Variants in MOCS3 observed in about 807,000 individuals in gnomAD.
The protein encoded by MOCS3 is molybdenum cofactor synthesis 3.
In MOCS3, 9 loss-of-function variants were observed where a neutral mutation model predicts 8.4. That is an observed-to-expected ratio of 1.07 (90% CI 0.65 to 1.87). The LOEUF is 1.87. Ranked by LOEUF, MOCS3 falls within the 40% of genes most tolerant of loss-of-function variation. MOCS3 has a pLI of 0.00. For missense variants in MOCS3, 581 were observed against 599.7 expected, an observed-to-expected ratio of 0.97 and a Z score of 0.33; for synonymous variants, 294 against 272.0, an observed-to-expected ratio of 1.08 and a Z score of -0.80.
chr20:50,958,850 C>T lies in MOCS3; in HGVS notation c.8C>T (p.Ser3Phe), dbSNP rs187280062. The T allele has an allele frequency of 3.1e-6, 5 of 1,587,660 alleles. No individual in the cohort carries two copies. In the East Asian group the frequency reaches 1.1e-4, roughly 36 times the overall value. Residue 3 changes from serine (S) to phenylalanine (F), a missense_variant, in exon 1 of 1, where the codon TCC (serine) becomes TTC (phenylalanine). Physicochemically the swap from Ser to Phe is radical, Grantham distance 155. Coordinates refer to ENST00000244051, the MANE Select transcript of MOCS3 (RefSeq NM_014484.5). ...CTTCCGGAAGAGGTCGCCATGGCTT[C>T]CCGGGAGGAGGTACTCGCCTTACAA... Reference protein sequence around the residue: MASREEVLALQAE... With the variant: MAFREEVLALQAE...
rs1004958791 is a variant in MOCS3 at position 50,961,111 on chromosome 20, T to G, written c.*886T>G. The G allele has an allele frequency of 6.0e-6, 1 of 167,130 alleles. No homozygotes were observed. Among genetic ancestry groups the G allele is most frequent in the Non-Finnish European group, 1.5e-5 (1 of 68,120 alleles). 10.4% of individuals were successfully genotyped at this position (167,130 alleles called of 1,614,324 possible). A position where few individuals can be genotyped will look rare whatever the true frequency, so the allele number is the denominator to read the frequency against. ...TCTGTCAGTGTCTCTTATAAATTGCTACTGTTTTCTTAAAGTTAACTTCAG... is the reference window on the plus strand; with the variant it reads ...TCTGTCAGTGTCTCTTATAAATTGCGACTGTTTTCTTAAAGTTAACTTCAG... On this transcript the variant is annotated 3_prime_UTR_variant, in exon 1 of 1. Transcript: ENST00000244051.
chr20:50,959,145 G>C lies in MOCS3; in HGVS notation c.303G>C (p.Leu101Phe). The change falls in exon 1 of 1, where the codon TTG (leucine) becomes TTC (phenylalanine). Residue 101 changes from leucine (L) to phenylalanine (F), a missense_variant. Leu to Phe is a conservative substitution (Grantham distance 22). Coordinates refer to ENST00000244051, the MANE Select transcript of MOCS3 (RefSeq NM_014484.5). ...TCGGCTGTCCACTAGCGCAGTACTT[G>C]GCAGCGGCCGGCGTGGGCCGCCTTG... Reference protein sequence around the residue: ...GGLGCPLAQYLAAAGVGRLGL... With the variant: ...GGLGCPLAQYFAAAGVGRLGL... 1 of 1,612,978 alleles carries C rather than the reference G, an allele frequency of 6.2e-7. No homozygotes were observed. Among genetic ancestry groups the C allele is most frequent in the Non-Finnish European group, 8.5e-7 (1 of 1,179,922 alleles).
rs974437602 is a variant in MOCS3, at chr20:50,963,265, C to T, written c.*3040C>T. The T allele has an allele frequency of 1.3e-5, 2 of 152,150 alleles. No homozygotes were observed. The highest frequency in any genetic ancestry group is 4.8e-5 in the African/African-American group (2 of 41,418). 9.4% of individuals were successfully genotyped at this position (152,150 alleles called of 1,614,324 possible). ...TTTGTTGTTTCCTTTTCATAACAAACATCAAATGCCTTCAGTGTACTAGTT... is the reference window on the plus strand; with the variant it reads ...TTTGTTGTTTCCTTTTCATAACAAATATCAAATGCCTTCAGTGTACTAGTT... On this transcript the variant is annotated 3_prime_UTR_variant, in exon 1 of 1. Transcript: ENST00000244051.
In MOCS3 at chr20:50,962,283, A is replaced by G. The variant is rs1342361333; in HGVS notation, c.*2058A>G. 1.3e-5 allele frequency: 2 copies of G among 152,240 alleles called. No individual in the cohort carries two copies. The highest frequency in any genetic ancestry group is 6.5e-5 in the Admixed American group (1 of 15,276). 9.4% of individuals were successfully genotyped at this position (152,240 alleles called of 1,614,324 possible). On this transcript the variant is annotated 3_prime_UTR_variant, in exon 1 of 1. Coordinates refer to ENST00000244051, the MANE Select transcript of MOCS3 (RefSeq NM_014484.5). ...CCAGAAAGCCCAACACTTCAGCCAC[A>G]GTCCATGTGTCGAGAAACAGAGTCA... is the stretch of plus-strand genomic sequence containing the variant.
At position 50,960,122 on chromosome 20, in the gene MOCS3, C is replaced by T. The variant is rs1987067332; in HGVS notation, c.1280C>T (p.Ser427Phe). ...CAGAAAGCCGTGAAGATCCTCCAGT[C>T]CTTATCAGCAGCTCAAGAGTTAGAC... ...DSQKAVKILQ[S>F]LSAAQELDPL... The change falls in exon 1 of 1, where the codon TCC (serine) becomes TTC (phenylalanine). Residue 427 changes from serine (S) to phenylalanine (F), a missense_variant. Physicochemically the swap from Ser to Phe is radical, Grantham distance 155. Coordinates refer to ENST00000244051, the MANE Select transcript of MOCS3 (RefSeq NM_014484.5). The T allele has an allele frequency of 6.2e-7, 1 of 1,614,238 alleles. No individual in the cohort carries two copies. The highest frequency in any genetic ancestry group is 1.7e-5 in the Admixed American group (1 of 60,030).
In MOCS3 at chr20:50,959,888, C is replaced by T; in HGVS notation, c.1046C>T (p.Ala349Val). The T allele has an allele frequency of 6.2e-7, 1 of 1,614,234 alleles. No individual in the cohort carries two copies. Among genetic ancestry groups the T allele is most frequent in the Non-Finnish European group, 8.5e-7 (1 of 1,180,022 alleles). ...TDYKRLLDSG[A>V]FHLLLDVRPQ... ...TATAAGCGACTGCTGGATTCTGGGG[C>T]ATTCCACCTGTTGCTGGACGTCAGG... is the stretch of plus-strand genomic sequence containing the variant. The change falls in exon 1 of 1, where the codon GCA (alanine) becomes GTA (valine). Residue 349 changes from alanine to valine, a missense_variant. Transcript: ENST00000244051.
At position 50,959,883 on chromosome 20, in the gene MOCS3, T is replaced by C. The variant is rs375518466; in HGVS notation, c.1041T>C (p.Ser347=). Reference sequence around the variant, plus strand: ...CCGACTATAAGCGACTGCTGGATTCTGGGGCATTCCACCTGTTGCTGGACG... The same window carrying C: ...CCGACTATAAGCGACTGCTGGATTCCGGGGCATTCCACCTGTTGCTGGACG... ...SVTDYKRLLD[S]GAFHLLLDVR... is the part of the protein sequence containing the mutation. Residue 347 remains serine (S), a synonymous_variant, in exon 1 of 1, where the codon TCT becomes TCC. Coordinates refer to ENST00000244051, the MANE Select transcript of MOCS3 (RefSeq NM_014484.5). 4 of 1,614,110 alleles carry C rather than the reference T, an allele frequency of 2.5e-6. No individual in the cohort carries two copies. In the African/African-American group the frequency reaches 4.0e-5, roughly 16 times the overall value.
At position 50,963,837 on chromosome 20, in the gene MOCS3, C is replaced by T. The variant is rs1344042388; in HGVS notation, c.*3612C>T. 3.9e-5 allele frequency: 6 copies of T among 152,240 alleles called. No homozygotes were observed. Among genetic ancestry groups the T allele is most frequent in the Non-Finnish European group, 7.3e-5 (5 of 68,046 alleles). 9.4% of individuals were successfully genotyped at this position (152,240 alleles called of 1,614,324 possible). On this transcript the variant is annotated 3_prime_UTR_variant, in exon 1 of 1. Coordinates refer to ENST00000244051, the MANE Select transcript of MOCS3 (RefSeq NM_014484.5). ...TCTAAGCAAAACTTTGCCATTGCTT[C>T]ATATGTGTTCATGCCCTGTCAGGGC... is the stretch of plus-strand genomic sequence containing the variant.
rs1487529433 is a variant in MOCS3 at position 50,958,829 on chromosome 20, C to T, written c.-14C>T. 6.3e-7 allele frequency: 1 copy of T among 1,577,636 alleles called. No homozygotes were observed. The highest frequency in any genetic ancestry group is 1.8e-5 in the Admixed American group (1 of 56,362). On this transcript the variant is annotated 5_prime_UTR_variant, in exon 1 of 1. Coordinates refer to ENST00000244051, the MANE Select transcript of MOCS3 (RefSeq NM_014484.5). ...CGGAAATGCCTTTCACGACAACTTC[C>T]GGAAGAGGTCGCCATGGCTTCCCGG...
rs758917070 is a variant in MOCS3, at chr20:50,959,695, T to C, written c.853T>C (p.Phe285Leu). ...GCTCTTTGATGCCCTGAGAGGGCAT[T>C]TCCGCTCTATTCGGCTGCGGAGCCG... is the stretch of plus-strand genomic sequence containing the variant. ...LLLFDALRGH[F>L]RSIRLRSRRL... is the part of the protein sequence containing the mutation. The change falls in exon 1 of 1, where the codon TTC becomes CTC. Residue 285 changes from phenylalanine to leucine, a missense_variant. Physicochemically the swap from Phe to Leu is conservative, Grantham distance 22. Transcript: ENST00000244051. The C allele has an allele frequency of 6.2e-7, 1 of 1,614,154 alleles. No homozygotes were observed. The highest frequency in any genetic ancestry group is 8.5e-7 in the Non-Finnish European group (1 of 1,180,050).
rs1389732158 is a variant in MOCS3, at chr20:50,958,860, G to A, written c.18G>A (p.Glu6=). 6.3e-7 allele frequency: 1 copy of A among 1,592,352 alleles called. No individual in the cohort carries two copies. Among genetic ancestry groups the A allele is most frequent in the Non-Finnish European group, 8.6e-7 (1 of 1,164,320 alleles). ...AGGTCGCCATGGCTTCCCGGGAGGA[G>A]GTACTCGCCTTACAAGCTGAAGTTG... MASRE[E]VLALQAEVAQ... The change falls in exon 1 of 1, where the codon GAG becomes GAA. Residue 6 remains glutamate (E), a synonymous_variant. Coordinates refer to ENST00000244051, the MANE Select transcript of MOCS3 (RefSeq NM_014484.5).
chr20:50,962,192 A>G lies in MOCS3; in HGVS notation c.*1967A>G, dbSNP rs1053078911. 2 of 152,254 alleles carry G rather than the reference A, an allele frequency of 1.3e-5. No individual in the cohort carries two copies. The highest frequency in any genetic ancestry group is 2.1e-4 in the South Asian group (1 of 4,830). 9.4% of individuals were successfully genotyped at this position (152,254 alleles called of 1,614,324 possible). ...AACAGTGTCTATGTTGTGCTGCCCTATCAAGTACCGGAGGAAACGCCACTA... is the reference window on the plus strand; with the variant it reads ...AACAGTGTCTATGTTGTGCTGCCCTGTCAAGTACCGGAGGAAACGCCACTA... On this transcript the variant is annotated 3_prime_UTR_variant, in exon 1 of 1. Transcript: ENST00000244051.
Position 50,959,985 on chromosome 20 carries a change from G to T in MOCS3, c.1143G>T (p.Arg381Ser), listed in dbSNP as rs201546313. The change falls in exon 1 of 1, where the codon AGG (arginine) becomes AGT (serine). Residue 381 changes from arginine to serine, a missense_variant. Coordinates refer to ENST00000244051, the MANE Select transcript of MOCS3 (RefSeq NM_014484.5). ...TCCCTCTGAAACATTTGGAACGCAG[G>T]GATGCGGAGAGCCTGAAACTCTTAA... Reference protein sequence around the residue: ...LHIPLKHLERRDAESLKLLKE... With the variant: ...LHIPLKHLERSDAESLKLLKE... 6.8e-6 allele frequency: 11 copies of T among 1,614,264 alleles called. No homozygotes were observed. In the East Asian group the frequency reaches 2.2e-4, roughly 33 times the overall value.
rs1568778564 is a variant in MOCS3, at chr20:50,959,085, G to A, written c.243G>A (p.Gly81=). The change falls in exon 1 of 1, where the codon GGG becomes GGA. Residue 81 remains glycine, a synonymous_variant. Transcript: ENST00000244051. ...GCGTGCACGGACAGCTGCGCCTGGG[G>A]ACCGCGTGCGTGCTAATCGTGGGCT... ...ELGVHGQLRL[G]TACVLIVGCG... The A allele has an allele frequency of 3.1e-6, 5 of 1,613,060 alleles. No individual in the cohort carries two copies. The highest frequency in any genetic ancestry group is 2.2e-5 in the East Asian group (1 of 44,868).
In MOCS3 at chr20:50,958,977, G is replaced by T. The variant is rs1568778438; in HGVS notation, c.135G>T (p.Pro45=). The change falls in exon 1 of 1, where the codon CCG becomes CCT. Residue 45 remains proline, a synonymous_variant. Coordinates refer to ENST00000244051, the MANE Select transcript of MOCS3 (RefSeq NM_014484.5). The part of the protein sequence containing the change: ...EQEPQPERLV[P]VSPLPPKAAL... The stretch of plus-strand genomic sequence containing the variant: ...AACCGCAGCCAGAACGGCTGGTTCC[G>T]GTGTCGCCGCTGCCGCCGAAGGCCG... 1.9e-6 allele frequency: 3 copies of T among 1,609,712 alleles called. No individual in the cohort carries two copies. The highest frequency in any genetic ancestry group is 2.5e-6 in the Non-Finnish European group (3 of 1,177,368).
Position 50,960,286 on chromosome 20 carries a change from T to C in MOCS3, c.*61T>C, listed in dbSNP as rs1189334394. 3 of 1,503,976 alleles carry C rather than the reference T, an allele frequency of 2.0e-6. No homozygotes were observed. Among genetic ancestry groups the C allele is most frequent in the Admixed American group, 4.6e-5 (2 of 43,432 alleles). 93.2% of individuals were successfully genotyped at this position (1,503,976 alleles called of 1,614,324 possible). On this transcript the variant is annotated 3_prime_UTR_variant, in exon 1 of 1. Transcript: ENST00000244051. Reference sequence around the variant, plus strand: ...TGCCATAATACCTCAAAGATACACTTGTTTGCATTTTTCGGTAATATACAT... The same window carrying C: ...TGCCATAATACCTCAAAGATACACTCGTTTGCATTTTTCGGTAATATACAT...
In MOCS3 at chr20:50,959,864, A is replaced by G. The variant is rs1220759278; in HGVS notation, c.1022A>G (p.Tyr341Cys). Residue 341 changes from tyrosine to cysteine, a missense_variant, in exon 1 of 1, where the codon TAT (tyrosine) becomes TGT (cysteine). Physicochemically the swap from Tyr to Cys is radical, Grantham distance 194. Coordinates refer to ENST00000244051, the MANE Select transcript of MOCS3 (RefSeq NM_014484.5). ...GAGGAGCGTGTTTCTGTCACCGACTATAAGCGACTGCTGGATTCTGGGGCA... is the reference window on the plus strand; with the variant it reads ...GAGGAGCGTGTTTCTGTCACCGACTGTAAGCGACTGCTGGATTCTGGGGCA... ...SPEERVSVTD[Y>C]KRLLDSGAFH... 6 of 1,614,114 alleles carry G rather than the reference A, an allele frequency of 3.7e-6. No homozygotes were observed. Among genetic ancestry groups the G allele is most frequent in the East Asian group, 4.5e-5 (2 of 44,902 alleles).
chr20:50,959,396 C>A lies in MOCS3; in HGVS notation c.554C>A (p.Thr185Asn). Reference sequence around the variant, plus strand: ...GCTGACTGCTCGGACAACGTGCCCACTCGCTACCTGGTTAATGACGCATGT... The same window carrying A: ...GCTGACTGCTCGGACAACGTGCCCAATCGCTACCTGGTTAATGACGCATGT... Reference protein sequence around the residue: ...VVADCSDNVPTRYLVNDACVL... With the variant: ...VVADCSDNVPNRYLVNDACVL... Residue 185 changes from threonine (T) to asparagine (N), a missense_variant, in exon 1 of 1, where the codon ACT becomes AAT. By Grantham distance (65) the Thr-to-Asn change is moderately conservative. Transcript: ENST00000244051. The A allele has an allele frequency of 6.2e-7, 1 of 1,613,648 alleles. No homozygotes were observed. Among genetic ancestry groups the A allele is most frequent in the Non-Finnish European group, 8.5e-7 (1 of 1,179,848 alleles).
rs769793868 is a variant in MOCS3 at position 50,959,056 on chromosome 20, C to G, written c.214C>G (p.Leu72Val). The change falls in exon 1 of 1, where the codon CTG becomes GTG. Residue 72 changes from leucine to valine, a missense_variant. Physicochemically the swap from Leu to Val is conservative, Grantham distance 32. Coordinates refer to ENST00000244051, the MANE Select transcript of MOCS3 (RefSeq NM_014484.5). The stretch of plus-strand genomic sequence containing the variant: ...TAGCCGGCAGCTAGTGCTGCCCGAG[C>G]TGGGCGTGCACGGACAGCTGCGCCT... ...RYSRQLVLPELGVHGQLRLGT... is the reference protein window; with the variant it reads ...RYSRQLVLPEVGVHGQLRLGT... 6.2e-7 allele frequency: 1 copy of G among 1,613,028 alleles called. No homozygotes were observed. Among genetic ancestry groups the G allele is most frequent in the Non-Finnish European group, 8.5e-7 (1 of 1,179,864 alleles).
Sources: gnomAD v4.1 joint callset for allele counts on GRCh38, gnomAD v4.1.1 for gene constraint, MANE v1.5 for transcripts, NCBI Gene and HGNC (gene_info 2026-07-23, HGNC 2026-07-21) for gene names.